USP36: variants seen among roughly 807,000 people sequenced by gnomAD.
USP36 encodes ubiquitin specific peptidase 36.
USP36 carries 59 observed loss-of-function variants against 111.5 expected under a neutral mutation model. That is an observed-to-expected ratio of 0.53 (90% CI 0.43 to 0.66). The LOEUF is 0.66. USP36 is among the 30% of genes least tolerant of loss of function. The probability of loss-of-function intolerance (pLI) is 0.00; values close to 1 mark genes in which losing one functional copy is unlikely to be tolerated. For missense variants in USP36, 1,488 were observed against 1,468.0 expected, an observed-to-expected ratio of 1.01 and a Z score of -0.22; for synonymous variants, 628 against 581.0, an observed-to-expected ratio of 1.08 and a Z score of -1.16.
At position 78,798,138 on chromosome 17, in the gene USP36, AACACACACT is replaced by A; in HGVS notation, c.*20+253_*21-260del. ...TGCCAGGTGTACACACCCCACACCC[AACACACACT>A]ACACACACCCCCTTATACACACGCA... On this transcript the variant is annotated intron_variant, in intron 20 of 20. Transcript: ENST00000449938. This position sits in a 1 kb window ranked among gnomAD's most constrained non-coding sequence, Gnocchi z 5.1. 2.1e-6 allele frequency: 1 copy of A among 470,228 alleles called. No individual in the cohort carries two copies. The highest frequency in any genetic ancestry group is 3.8e-6 in the Non-Finnish European group (1 of 259,956). 29.1% of individuals were successfully genotyped at this position (470,228 alleles called of 1,614,324 possible).
rs200588002 is a variant in USP36, at chr17:78,812,934, G to A, written c.1333C>T (p.Arg445Cys). 100 of 1,614,002 alleles carry A rather than the reference G, an allele frequency of 6.2e-5. No homozygotes were observed. Among genetic ancestry groups the A allele is most frequent in the Admixed American group, 1.8e-4 (11 of 59,996 alleles). Residue 445 changes from arginine to cysteine, a missense_variant, in exon 13 of 21, where the codon CGC (arginine) becomes TGC (cysteine). By Grantham distance (180) the Arg-to-Cys change is radical. Around this residue, in one of 3 missense-constraint regions of USP36, gnomAD observed 1,073 missense variants for 994.1 expected, o/e 1.08. Transcript: ENST00000449938. ...GAGTGATCTGGAATCACACTCGGGC[G>A]GCCGGGAAGGGAGGAGGAGCCTGTC... ...SRTGSSSLPG[R>C]PSVIPDHSKK...
At chr17:78,809,452 T>C (rs1441676815) in intron 13 of USP36, among the ~76,000 whole-genome samples, 2 of 152,192 alleles carry the variant, frequency 1.3e-5, no homozygotes, top group Non-Finnish European at 2.9e-5. Context: ...CCATGTCATT[T>C]AGAGTAAAAC....
chr17:78,819,804 A>G, intron 9 of USP36, 126 bp downstream of exon 9: 1 of 904,920 alleles, frequency 1.1e-6, no homozygotes, highest in Non-Finnish European at 1.7e-6. Context: ...GGACACACAT[A>G]GGTTCCTCAA....
At chr17:78,802,712 G>A (rs149701651) in intron 16 of USP36, among the ~76,000 whole-genome samples, 177 bp from the exon 17 acceptor site, 124 of 152,254 alleles carry the variant, frequency 8.1e-4, no homozygotes, top group African/African-American at 2.8e-3. Context: ...ACGCAGCCAC[G>A]GAGACAGTAG....
intron 6 of USP36, 134 bp downstream of exon 6, chr17:78,827,111 A>G: frequency 9.8e-7 from 1 of 1,022,430 alleles, no homozygotes; most frequent in Non-Finnish European, 1.5e-6. Context: ...ACCCAGAGGC[A>G]AATTCTGCCA....
intron 17 of USP36, among the ~76,000 whole-genome samples, chr17:78,801,508 C>G (rs1417179473): frequency 1.3e-5 from 2 of 152,242 alleles, no homozygotes; most frequent in Non-Finnish European, 2.9e-5. Flanking sequence ...CTATACCAAG[C>G]AGCCAGGACT....
At chr17:78,827,149 A>G (rs1360292101) in intron 6 of USP36, 96 bp downstream of exon 6, 5 of 1,327,520 alleles carry the variant, frequency 3.8e-6, no homozygotes, top group Middle Eastern at 3.7e-4. Context: ...CCTGGGTAGA[A>G]AGGTGCCGGG....
At chr17:78,814,302 CA>C in intron 11 of USP36, 109 bp downstream of exon 11, 2 of 1,453,252 alleles carry the variant, frequency 1.4e-6, no homozygotes, top group African/African-American at 1.4e-5. Flanking sequence ...AATACAACCA[CA>C]AAACATCACA....
intron 3 of USP36, 52 bp from the exon 4 acceptor site, chr17:78,835,553 C>A: frequency 1.3e-6 from 2 of 1,531,888 alleles, no homozygotes; most frequent in Non-Finnish European, 1.8e-6. Context: ...AGTCCACACA[C>A]AGGTCGTCCA....
chr17:78,834,050 C>A (rs1038641375), intron 4 of USP36, among the ~76,000 whole-genome samples: 4 of 152,050 alleles, frequency 2.6e-5, no homozygotes, highest in African/African-American at 9.7e-5. Flanking sequence ...AGTTCAAGAC[C>A]AGCCTGACCA....
rs1203671099 is a variant in USP36, at chr17:78,798,674, T to C, written c.3241-123A>G. 7 of 1,469,826 alleles carry C rather than the reference T, an allele frequency of 4.8e-6. No homozygotes were observed. The highest frequency in any genetic ancestry group is 6.5e-6 in the Non-Finnish European group (7 of 1,081,144). The allele number at this position is 1,469,826 out of a possible 1,614,324, so 91.0% of individuals were successfully genotyped here. A position where few individuals can be genotyped will look rare whatever the true frequency, so the allele number is the denominator to read the frequency against. ...TCTCATGAGCTCTCTGGAGACCCAC[T>C]CTTCACAATGACCCCTGTGCACGGC... On this transcript the variant is annotated intron_variant, in intron 19 of 20. Coordinates refer to ENST00000449938, the MANE Select transcript of USP36 (RefSeq NM_001385174.1). This position sits in a 1 kb window ranked among gnomAD's most constrained non-coding sequence, Gnocchi z 5.1.
chr17:78,833,588 C>T (rs2068358802), intron 4 of USP36, among the ~76,000 whole-genome samples: 1 of 152,174 alleles, frequency 6.6e-6, no homozygotes, highest in Admixed American at 6.5e-5. Context: ...TTCTCAAAAA[C>T]TCACAGTTAC....
chr17:78,814,868 T>A (rs950493966), intron 10 of USP36, among the ~76,000 whole-genome samples: 2 of 152,012 alleles, frequency 1.3e-5, no homozygotes, highest in African/African-American at 4.8e-5. Flanking sequence ...CAAGAATCAC[T>A]TGAACCCGCG....
chr17:78,798,485 T>G lies in USP36; in HGVS notation c.3307A>C (p.Thr1103Pro). The change falls in exon 20 of 21, where the codon ACT (threonine) becomes CCT (proline). Residue 1103 changes from threonine (T) to proline (P), a missense_variant. By Grantham distance (38) the Thr-to-Pro change is conservative. This residue lies in a region of USP36 where 1,073 missense variants were observed against 994.1 expected (regional missense o/e 1.08). Coordinates refer to ENST00000449938, the MANE Select transcript of USP36 (RefSeq NM_001385174.1). This position sits in a 1 kb window ranked among gnomAD's most constrained non-coding sequence, Gnocchi z 5.1. ...RNFNAFQKLQ[T>P]RRNFWSVTHP... is the part of the protein sequence containing the mutation. Reference sequence around the variant, plus strand: ...GTCACAGACCAGAAGTTCCGTCGAGTCTGAAGTTTCTGGAAGGCGTTGAAG... The same window carrying G: ...GTCACAGACCAGAAGTTCCGTCGAGGCTGAAGTTTCTGGAAGGCGTTGAAG... 1 of 1,614,078 alleles carries G rather than the reference T, an allele frequency of 6.2e-7. No individual in the cohort carries two copies. The highest frequency in any genetic ancestry group is 8.5e-7 in the Non-Finnish European group (1 of 1,180,024).
rs184949094 is a variant in USP36, at chr17:78,815,321, A to T, written c.1024-769T>A. Among the ~76,000 whole-genome samples, 15 of 152,220 alleles carry T rather than the reference A, an allele frequency of 9.9e-5. No individual in the cohort carries two copies. The East Asian group carries it at 2.9e-3, about 29-fold the overall frequency. On this transcript the variant is annotated intron_variant, in intron 10 of 20. Transcript: ENST00000449938. ...CACTCCAGCCTCGCAACAGAGCGAGACTCCATCTCAAAACAATCAAAACAA... is the reference window on the plus strand; with the variant it reads ...CACTCCAGCCTCGCAACAGAGCGAGTCTCCATCTCAAAACAATCAAAACAA...
At chr17:78,831,601 C>T (rs1164202021) in intron 4 of USP36, among the ~76,000 whole-genome samples, 1 of 151,962 alleles carries the variant, frequency 6.6e-6, no homozygotes, top group Non-Finnish European at 1.5e-5. Flanking sequence ...GCAACAGAGA[C>T]TCTGTCTCAA....
At chr17:78,837,599 C>T (rs2068802620) in intron 2 of USP36, among the ~76,000 whole-genome samples, 1 of 152,188 alleles carries the variant, frequency 6.6e-6, no homozygotes, top group Non-Finnish European at 1.5e-5. Context: ...CCCTGCACCT[C>T]TCCAATCGCT....
intron 4 of USP36, among the ~76,000 whole-genome samples, chr17:78,833,097 G>A (rs1036598166): frequency 6.6e-6 from 1 of 151,856 alleles, no homozygotes; most frequent in African/African-American, 2.4e-5. Flanking sequence ...GCAGTGAGCC[G>A]AGATTGCACC....
chr17:78,829,122 A>C (rs1224707817), intron 4 of USP36, 115 bp from the exon 5 acceptor site: 1 of 792,400 alleles, frequency 1.3e-6, no homozygotes, highest in African/African-American at 1.7e-5. Context: ...AGAGCAAACC[A>C]GGCTGTGAGA....
Sources: gnomAD v4.1 joint callset for allele counts (sites outside exome capture counted in the v4.1 genomes callset) on GRCh38, gnomAD v4.1.1 for gene constraint, gnomAD v4.1.1 regional missense constraint, Gnocchi (gnomAD v3.1) non-coding constraint, MANE v1.5 for transcripts, NCBI Gene and HGNC (gene_info 2026-07-23, HGNC 2026-07-21) for gene names.